GABRG1: variants seen among roughly 807,000 people sequenced by gnomAD.
GABRG1 encodes the protein gamma-aminobutyric acid type A receptor subunit gamma1.
A neutral mutation model predicts 49.8 loss-of-function variants in GABRG1; 49 were observed. That is an observed-to-expected ratio of 0.98 (90% confidence interval 0.78 to 1.25). The LOEUF (loss-of-function observed/expected upper bound fraction) is 1.25. Among genes scored for constraint, GABRG1 ranks in the 50% most tolerant of loss-of-function variants. GABRG1 has a pLI of 0.00. For synonymous variants in GABRG1, 232 were observed against 185.1 expected, an observed-to-expected ratio of 1.25 and a Z score of -2.06; for missense variants, 552 against 552.3, an observed-to-expected ratio of 1.00 and a Z score of 0.01.
chr4:46,051,746 A>ATGATTACTAGT, intron 7 of GABRG1, 108 bp from the exon 8 acceptor site: 1 of 613,906 alleles, frequency 1.6e-6, no homozygotes. Flanking sequence ...AAACAAAAAT[A>ATGATTACTAGT]TGATTACTAG....
rs917337138 is a variant in GABRG1 at position 46,036,405 on chromosome 4, C to T, written c.*4583G>A. ...ATTTTTCAAAAAATAAGAATCTAGACAGATCACTTTAGGATTTACATTTCA... is the reference window on the plus strand; with the variant it reads ...ATTTTTCAAAAAATAAGAATCTAGATAGATCACTTTAGGATTTACATTTCA... On this transcript the variant is annotated 3_prime_UTR_variant, in exon 9 of 9. Coordinates refer to ENST00000295452, the MANE Select transcript of GABRG1 (RefSeq NM_173536.4). 1 of 151,862 alleles carries T rather than the reference C, an allele frequency of 6.6e-6. No individual in the cohort carries two copies. Among genetic ancestry groups the T allele is most frequent in the Non-Finnish European group, 1.5e-5 (1 of 67,874 alleles). 9.4% of individuals were successfully genotyped at this position (151,862 alleles called of 1,614,324 possible).
At chr4:46,071,971 T>C (rs551590813) in intron 3 of GABRG1, among the ~76,000 whole-genome samples, 3 of 152,166 alleles carry the variant, frequency 2.0e-5, no homozygotes, top group East Asian at 1.9e-4. Context: ...TGTCCAGGCC[T>C]TCACATTCAC....
chr4:46,040,300 T>C lies in GABRG1; in HGVS notation c.*688A>G, dbSNP rs1163554308. The C allele has an allele frequency of 2.0e-5, 3 of 152,140 alleles. No homozygotes were observed. Among genetic ancestry groups the C allele is most frequent in the Admixed American group, 6.6e-5 (1 of 15,186 alleles). 9.4% of individuals were successfully genotyped at this position (152,140 alleles called of 1,614,324 possible). On this transcript the variant is annotated 3_prime_UTR_variant, in exon 9 of 9. Coordinates refer to ENST00000295452, the MANE Select transcript of GABRG1 (RefSeq NM_173536.4). Reference sequence around the variant, plus strand: ...TCATCTTGCATTCTTAAAAAATGACTGGTGGCTTCATTCCAAGTTTGCAAA... The same window carrying C: ...TCATCTTGCATTCTTAAAAAATGACCGGTGGCTTCATTCCAAGTTTGCAAA...
intron 8 of GABRG1, among the ~76,000 whole-genome samples, chr4:46,044,487 C>A (rs2109392851): frequency 6.6e-6 from 1 of 152,050 alleles, no homozygotes; most frequent in Middle Eastern, 3.4e-3. Context: ...TCTTAAAAAA[C>A]AGAAAACAAA....
chr4:46,070,087 C>T (rs1284859457), intron 3 of GABRG1, among the ~76,000 whole-genome samples: 1 of 151,920 alleles, frequency 6.6e-6, no homozygotes, highest in Non-Finnish European at 1.5e-5. Context: ...AGGGAATGTA[C>T]ATTCCTCAAA....
intron 7 of GABRG1, among the ~76,000 whole-genome samples, chr4:46,053,680 A>G (rs1718324483): frequency 1.3e-5 from 2 of 151,866 alleles, no homozygotes; most frequent in African/African-American, 4.8e-5. Context: ...CTTAAATCCA[A>G]TGTGTGGTTT....
chr4:46,044,959 T>A (rs1717933782), intron 8 of GABRG1, among the ~76,000 whole-genome samples: 1 of 152,120 alleles, frequency 6.6e-6, no homozygotes, highest in African/African-American at 2.4e-5. Flanking sequence ...AATGTATATG[T>A]GTATATTTGG....
chr4:46,047,154 A>G (rs1245135102), intron 8 of GABRG1, among the ~76,000 whole-genome samples: 2 of 152,070 alleles, frequency 1.3e-5, no homozygotes, highest in Non-Finnish European at 2.9e-5. Flanking sequence ...CGCTACTAAG[A>G]TACTGAATAT....
At chr4:46,111,265 A>C (rs1339272454) in intron 1 of GABRG1, among the ~76,000 whole-genome samples, 1 of 151,046 alleles carries the variant, frequency 6.6e-6, no homozygotes, top group Non-Finnish European at 1.5e-5. Context: ...CAAAAATAAT[A>C]CCTAGGAAAA....
chr4:46,041,260 C>A lies in GABRG1; in HGVS notation c.1132-6G>T. 1 of 1,608,490 alleles carries A rather than the reference C, an allele frequency of 6.2e-7. No individual in the cohort carries two copies. ...GGATGGAGACCAGGAGTCATCTGAG[C>A]ACAATAATAAATGAATTTTTGACAT... On this transcript the variant is annotated splice_polypyrimidine_tract_variant and splice_region_variant and intron_variant, in intron 8 of 8. Coordinates refer to ENST00000295452, the MANE Select transcript of GABRG1 (RefSeq NM_173536.4).
chr4:46,048,983 G>C (rs1467649086), intron 8 of GABRG1, among the ~76,000 whole-genome samples: 4 of 151,870 alleles, frequency 2.6e-5, no homozygotes, highest in Non-Finnish European at 5.9e-5. Flanking sequence ...CAGAATTGTT[G>C]ACCTTTCAGC....
At chr4:46,096,039 G>A (rs991661600) in intron 2 of GABRG1, among the ~76,000 whole-genome samples, 6 of 151,526 alleles carry the variant, frequency 4.0e-5, no homozygotes, top group Admixed American at 2.6e-4. Flanking sequence ...TTTAGCTCCC[G>A]CTTATAAGTG....
At position 46,092,296 on chromosome 4, in the gene GABRG1, A is replaced by G. The variant is rs192537256; in HGVS notation, c.253+4905T>C. ...ATGTCTTTTGGTATTTCAGATAAATATAGAATAAAACATATGGACATAATA... is the reference window on the plus strand; with the variant it reads ...ATGTCTTTTGGTATTTCAGATAAATGTAGAATAAAACATATGGACATAATA... On this transcript the variant is annotated intron_variant, in intron 2 of 8. Coordinates refer to ENST00000295452, the MANE Select transcript of GABRG1 (RefSeq NM_173536.4). 2.4e-3 allele frequency among the ~76,000 whole-genome samples: 368 copies of G among 152,124 alleles called. 1 individual carries two copies. The highest frequency in any genetic ancestry group is 3.0e-3 in the Non-Finnish European group (203 of 67,944).
At chr4:46,090,702 G>A (rs919963392) in intron 2 of GABRG1, among the ~76,000 whole-genome samples, 27 of 151,996 alleles carry the variant, frequency 1.8e-4, no homozygotes, top group African/African-American at 6.3e-4. Flanking sequence ...AGAAAGCAGA[G>A]CAAATCAGAT....
Position 46,083,837 on chromosome 4 carries a change from T to C in GABRG1, c.321+149A>G, listed in dbSNP as rs894797743. ...AGATACAGGTATAGTTTAGCTCCAGTTGCCAATACCTGGCACAAAGTAATT... is the reference window on the plus strand; with the variant it reads ...AGATACAGGTATAGTTTAGCTCCAGCTGCCAATACCTGGCACAAAGTAATT... On this transcript the variant is annotated intron_variant, in intron 3 of 8. Transcript: ENST00000295452. The C allele has an allele frequency of 2.0e-5, 13 of 638,442 alleles. No homozygotes were observed. The African/African-American group carries it at 2.5e-4, about 12-fold the overall frequency. 39.5% of individuals were successfully genotyped at this position (638,442 alleles called of 1,614,324 possible).
intron 2 of GABRG1, among the ~76,000 whole-genome samples, chr4:46,087,545 T>A (rs1313232422): frequency 6.6e-6 from 1 of 151,718 alleles, no homozygotes; most frequent in East Asian, 1.9e-4. Context: ...AATTTTTCAA[T>A]AGTAAATAAA....
intron 1 of GABRG1, among the ~76,000 whole-genome samples, chr4:46,104,923 C>A (rs1379014493): frequency 6.6e-6 from 1 of 151,316 alleles, no homozygotes; most frequent in Non-Finnish European, 1.5e-5. Context: ...ACAGTTTCCT[C>A]ATCAAACTTT....
rs868349222 is a variant in GABRG1 at position 46,118,132 on chromosome 4, G to A, written c.104+5678C>T. ...TATATACATATATACGTGTGTGTGT[G>A]TATATATATATATACAGCTACAGTA... is the stretch of plus-strand genomic sequence containing the variant. On this transcript the variant is annotated intron_variant, in intron 1 of 8. Coordinates refer to ENST00000295452, the MANE Select transcript of GABRG1 (RefSeq NM_173536.4). 1.3e-3 allele frequency among the ~76,000 whole-genome samples: 143 copies of A among 109,956 alleles called. 13 individuals are homozygous for A. The highest frequency in any genetic ancestry group is 8.3e-3 in the East Asian group (39 of 4,690). The allele number at this position is 109,956 out of a possible 152,430, so 72.1% of individuals were successfully genotyped here.
chr4:46,117,763 CATATACATATATACATACATGT>C lies in GABRG1; in HGVS notation c.104+6025_104+6046del, dbSNP rs1215306343. ...ATACACATATACATACATGTATATA[CATATACATATATACATACATGT>C]ATATACATATATACATATGTATACA... On this transcript the variant is annotated intron_variant, in intron 1 of 8. Coordinates refer to ENST00000295452, the MANE Select transcript of GABRG1 (RefSeq NM_173536.4). 3.8e-3 allele frequency among the ~76,000 whole-genome samples: 523 copies of C among 137,480 alleles called. 2 individuals are homozygous for C. Among genetic ancestry groups the C allele is most frequent in the African/African-American group, 0.013 (482 of 36,108 alleles). 90.2% of individuals were successfully genotyped at this position (137,480 alleles called of 152,430 possible). A position where few individuals can be genotyped will look rare whatever the true frequency, so the allele number is the denominator to read the frequency against.
Sources: gnomAD v4.1 joint callset for allele counts (sites outside exome capture counted in the v4.1 genomes callset) on GRCh38, gnomAD v4.1.1 for gene constraint, MANE v1.5 for transcripts, NCBI Gene and HGNC (gene_info 2026-07-23, HGNC 2026-07-21) for gene names.